The following CEP97 variants were observed in gnomAD, a reference collection of about 807,000 sequenced individuals.
CEP97 encodes the protein centrosomal protein 97.
CEP97 carries 43 observed loss-of-function variants against 73.1 expected under a neutral mutation model. That is an observed-to-expected ratio of 0.59 (90% CI 0.46 to 0.76). CEP97 has a LOEUF of 0.76. Ranked by LOEUF, CEP97 falls within the 30% of genes least tolerant of loss-of-function variation. CEP97 has a pLI of 0.00. For missense variants in CEP97, 939 were observed against 1,014.0 expected, an observed-to-expected ratio of 0.93 and a Z score of 1.00; for synonymous variants, 337 against 370.0, an observed-to-expected ratio of 0.91 and a Z score of 1.02.
In CEP97 at chr3:101,765,658, A is replaced by G; in HGVS notation, c.*107A>G. ...ACTCCCTACCCCTAATTTTGTTACT[A>G]CTTATATAGAATTTGTATTCATGTC... On this transcript the variant is annotated 3_prime_UTR_variant, in exon 11 of 11. Transcript: ENST00000341893. The G allele has an allele frequency of 1.3e-6, 1 of 788,376 alleles. No individual in the cohort carries two copies. The highest frequency in any genetic ancestry group is 2.0e-6 in the Non-Finnish European group (1 of 495,350). The allele number at this position is 788,376 out of a possible 1,614,324, so 48.8% of individuals were successfully genotyped here. A position where few individuals can be genotyped will look rare whatever the true frequency, so the allele number is the denominator to read the frequency against.
intron 6 of CEP97, among the ~76,000 whole-genome samples, chr3:101,745,314 G>A (rs1392260951): frequency 1.3e-5 from 2 of 152,158 alleles, no homozygotes; most frequent in African/African-American, 4.8e-5. Context: ...AGGCTGGAAT[G>A]CAGTGACAGG....
intron 6 of CEP97, among the ~76,000 whole-genome samples, chr3:101,736,358 A>AGACTGTCTCCTCAAGTGGGTCCCTGATCC (rs1394654198): frequency 6.6e-5 from 10 of 152,360 alleles, no homozygotes; most frequent in African/African-American, 2.2e-4. Flanking sequence ...GCTAAGGGAC[A>AGACTGTCTCCTCAAGTGGGTCCCTGATCC]GACTGTCTCC....
intron 6 of CEP97, among the ~76,000 whole-genome samples, chr3:101,733,323 A>G (rs966087674): frequency 2.6e-5 from 4 of 151,948 alleles, no homozygotes; most frequent in South Asian, 2.1e-4. Context: ...ATATTAATCT[A>G]TCACATATAT....
chr3:101,747,567 T>C lies in CEP97; in HGVS notation c.729-7863T>C, dbSNP rs147972276. On this transcript the variant is annotated intron_variant, in intron 6 of 10. Transcript: ENST00000341893. The stretch of plus-strand genomic sequence containing the variant: ...AGCCACCGCGCCTGGCCTTCCTTTT[T>C]TTTTTTTTGAGACAGTTTCGCTCTT... Among the ~76,000 whole-genome samples, 531 of 151,012 alleles carry C rather than the reference T, an allele frequency of 3.5e-3. 2 individuals are homozygous for C. The highest frequency in any genetic ancestry group is 0.012 in the African/African-American group (509 of 41,104).
rs1038133778 is a variant in CEP97 at position 101,767,773 on chromosome 3, G to A, written c.*2222G>A. 1.3e-5 allele frequency: 2 copies of A among 152,066 alleles called. No homozygotes were observed. The highest frequency in any genetic ancestry group is 2.4e-5 in the African/African-American group (1 of 41,388). 9.4% of individuals were successfully genotyped at this position (152,066 alleles called of 1,614,324 possible). A position where few individuals can be genotyped will look rare whatever the true frequency, so the allele number is the denominator to read the frequency against. ...TGTGTTTTATTTAACTTTTACTAGT[G>A]TTTAGAAGTGCAAGAATATTAAATA... On this transcript the variant is annotated 3_prime_UTR_variant, in exon 11 of 11. Coordinates refer to ENST00000341893, the MANE Select transcript of CEP97 (RefSeq NM_024548.4).
In CEP97 at chr3:101,767,812, C is replaced by CT. The variant is rs1180262561; in HGVS notation, c.*2262dup. 2 of 152,166 alleles carry CT rather than the reference C, an allele frequency of 1.3e-5. No individual in the cohort carries two copies. Among genetic ancestry groups the CT allele is most frequent in the African/African-American group, 4.8e-5 (2 of 41,450 alleles). 9.4% of individuals were successfully genotyped at this position (152,166 alleles called of 1,614,324 possible). On this transcript the variant is annotated 3_prime_UTR_variant, in exon 11 of 11. Transcript: ENST00000341893. ...GAATATTAAATAGCCCCTTCCTTAACTGTACATATTATCTTGAATGTAGAT... is the reference window on the plus strand; with the variant it reads ...GAATATTAAATAGCCCCTTCCTTAACTTGTACATATTATCTTGAATGTAGAT...
intron 6 of CEP97, among the ~76,000 whole-genome samples, chr3:101,738,588 C>T (rs575306272): frequency 3.3e-5 from 5 of 152,308 alleles, no homozygotes; most frequent in African/African-American, 9.6e-5. Flanking sequence ...TGAATAACTA[C>T]TGGGTACATA....
chr3:101,757,932 G>A lies in CEP97; in HGVS notation c.1326G>A (p.Gly442=), dbSNP rs192785555. Residue 442 remains glycine (G), a synonymous_variant, in exon 9 of 11, where the codon GGG becomes GGA. Transcript: ENST00000341893. ...GTGTTGCAGATGAATCTGTGAAAGG[G>A]CTGGAAAGCCAGGTGTTGGATAAGG... is the stretch of plus-strand genomic sequence containing the variant. ...DDGVADESVK[G]LESQVLDKEE... 3.7e-6 allele frequency: 6 copies of A among 1,614,234 alleles called. No homozygotes were observed. The highest frequency in any genetic ancestry group is 5.1e-6 in the Non-Finnish European group (6 of 1,180,036).
intron 6 of CEP97, among the ~76,000 whole-genome samples, chr3:101,740,924 T>G (rs917150044): frequency 6.6e-6 from 1 of 152,160 alleles, no homozygotes; most frequent in Non-Finnish European, 1.5e-5. Context: ...AAAAAAATAC[T>G]TGAAATTGCA....
intron 6 of CEP97, among the ~76,000 whole-genome samples, chr3:101,751,734 C>G (rs1576692676): frequency 6.6e-6 from 1 of 152,026 alleles, no homozygotes; most frequent in Admixed American, 6.6e-5. Context: ...AGGATTGCAA[C>G]CCCTGCCTTT....
chr3:101,760,492 A>G (rs879367028), intron 9 of CEP97, among the ~76,000 whole-genome samples: 5 of 152,180 alleles, frequency 3.3e-5, no homozygotes, highest in African/African-American at 1.2e-4. Context: ...GAGCAGGGGA[A>G]GGGCAAGAGA....
chr3:101,742,217 C>T (rs1241005195), intron 6 of CEP97, among the ~76,000 whole-genome samples: 2 of 152,098 alleles, frequency 1.3e-5, no homozygotes, highest in Admixed American at 1.3e-4. Flanking sequence ...CCATCTGACT[C>T]AGCAATCCCA....
chr3:101,732,468 A>G lies in CEP97; in HGVS notation c.562-20A>G. The G allele has an allele frequency of 1.3e-6, 2 of 1,581,052 alleles. No individual in the cohort carries two copies. Among genetic ancestry groups the G allele is most frequent in the Non-Finnish European group, 1.7e-6 (2 of 1,155,136 alleles). On this transcript the variant is annotated intron_variant, in intron 5 of 10. Transcript: ENST00000341893. ...ACACTGAATAGTCCTTTTGTTCAACAAAGATATCTTTTGTTCCAGATCTCT... is the reference window on the plus strand; with the variant it reads ...ACACTGAATAGTCCTTTTGTTCAACGAAGATATCTTTTGTTCCAGATCTCT...
chr3:101,727,650 G>T (rs933205045), intron 3 of CEP97, 109 bp downstream of exon 3: 2 of 787,296 alleles, frequency 2.5e-6, no homozygotes, highest in African/African-American at 1.8e-5. Context: ...ACTCTCCAGG[G>T]ATAATCTCTG....
At position 101,768,595 on chromosome 3, in the gene CEP97, G is replaced by A. The variant is rs1939375727; in HGVS notation, c.*3044G>A. 6.6e-6 allele frequency: 1 copy of A among 152,180 alleles called. No homozygotes were observed. Among genetic ancestry groups the A allele is most frequent in the Non-Finnish European group, 1.5e-5 (1 of 68,044 alleles). 9.4% of individuals were successfully genotyped at this position (152,180 alleles called of 1,614,324 possible). ...TGACAACTGTAATCCCAGTGCTTTG[G>A]GAGGCTGAGGCCAGAGGATCACTTG... On this transcript the variant is annotated 3_prime_UTR_variant, in exon 11 of 11. Transcript: ENST00000341893.
At chr3:101,737,899 T>G (rs555942867) in intron 6 of CEP97, among the ~76,000 whole-genome samples, 21 of 150,826 alleles carry the variant, frequency 1.4e-4, no homozygotes, top group Middle Eastern at 3.4e-3. Flanking sequence ...ACTGGCAAAT[T>G]GGATAAAGAA....
chr3:101,746,091 T>C (rs1458368797), intron 6 of CEP97, among the ~76,000 whole-genome samples: 1 of 152,254 alleles, frequency 6.6e-6, no homozygotes, highest in Non-Finnish European at 1.5e-5. Flanking sequence ...GAACTCATTA[T>C]TTTTTATGGC....
At position 101,760,131 on chromosome 3, in the gene CEP97, G is replaced by A. The variant is rs147761803; in HGVS notation, c.1817+1708G>A. 8.9e-4 allele frequency among the ~76,000 whole-genome samples: 135 copies of A among 151,870 alleles called. 1 individual carries two copies. The highest frequency in any genetic ancestry group is 2.9e-3 in the African/African-American group (119 of 41,454). ...GTAGAGGAAGTGGCCTGAAATGGGA[G>A]CAGGAGCAGGTAAGGTGGTAGGTTT... On this transcript the variant is annotated intron_variant, in intron 9 of 10. Coordinates refer to ENST00000341893, the MANE Select transcript of CEP97 (RefSeq NM_024548.4).
At chr3:101,753,449 A>G (rs1377518888) in intron 6 of CEP97, among the ~76,000 whole-genome samples, 1 of 152,342 alleles carries the variant, frequency 6.6e-6, no homozygotes, top group Middle Eastern at 3.4e-3. Flanking sequence ...AGACAGGGAC[A>G]GTTAAGTCTG....
Sources: allele counts gnomAD v4.1 joint callset (sites outside exome capture counted in the v4.1 genomes callset), GRCh38; gene constraint gnomAD v4.1.1; transcripts MANE v1.5; gene names NCBI Gene and HGNC (gene_info 2026-07-23, HGNC 2026-07-21).